Variants in UNC80 observed in about 807,000 individuals in gnomAD.
The protein encoded by UNC80 is unc-80 subunit of NALCN channel complex.
Under a neutral mutation model 384.6 loss-of-function variants are expected in UNC80, and 164 were observed. That is an observed-to-expected ratio of 0.43 (90% CI 0.38 to 0.49). The LOEUF is 0.49. Ranked by LOEUF, UNC80 falls within the 20% of genes least tolerant of loss-of-function variation. The pLI is 0.00. For synonymous variants in UNC80, 1,486 were observed against 1,527.8 expected, an observed-to-expected ratio of 0.97 and a Z score of 0.64; for missense variants, 3,330 against 4,143.0, an observed-to-expected ratio of 0.80 and a Z score of 5.39.
intron 4 of UNC80, among the ~76,000 whole-genome samples, chr2:209,779,902 G>A (rs2077062724): frequency 6.6e-6 from 1 of 152,156 alleles, no homozygotes; most frequent in South Asian, 2.1e-4. Flanking sequence ...TCTAAGTTTT[G>A]GAAACAGATA....
At chr2:209,832,716 G>C (rs1461202049) in intron 16 of UNC80, among the ~76,000 whole-genome samples, 2 of 152,176 alleles carry the variant, frequency 1.3e-5, no homozygotes, top group South Asian at 4.1e-4. Context: ...TAATTTAACA[G>C]GTTGGTTATA....
intron 47 of UNC80, among the ~76,000 whole-genome samples, chr2:209,948,182 C>T: frequency 6.6e-6 from 1 of 152,062 alleles, no homozygotes; most frequent in East Asian, 1.9e-4. Flanking sequence ...AATATTTATG[C>T]ATTTCTATGG....
intron 61 of UNC80, among the ~76,000 whole-genome samples, chr2:209,986,780 C>A (rs1184347028): frequency 7.9e-5 from 12 of 152,328 alleles, no homozygotes; most frequent in Non-Finnish European, 1.8e-4. Flanking sequence ...GCACATCCAC[C>A]TTTGCCATAC....
chr2:209,834,033 A>G lies in UNC80; in HGVS notation c.2807A>G (p.Gln936Arg). ...TATTGTGACATTCGTCAGCTGGTCCAGTTTATCAAAGAGGCTCATGGGAAT... is the reference window on the plus strand; with the variant it reads ...TATTGTGACATTCGTCAGCTGGTCCGGTTTATCAAAGAGGCTCATGGGAAT... ...GLYCDIRQLV[Q>R]FIKEAHGNVF... Residue 936 changes from glutamine (Q) to arginine (R), a missense_variant, in exon 17 of 65, where the codon CAG (glutamine) becomes CGG (arginine). Physicochemically the swap from Gln to Arg is conservative, Grantham distance 43 (BLOSUM62 1). This residue lies in a region of UNC80 where 937 missense variants were observed against 1,026.8 expected (regional missense o/e 0.91). Transcript: ENST00000673920. The G allele has an allele frequency of 1.3e-6, 2 of 1,551,692 alleles. No individual in the cohort carries two copies. The highest frequency in any genetic ancestry group is 1.7e-6 in the Non-Finnish European group (2 of 1,146,980).
chr2:209,816,845 T>C, intron 9 of UNC80, 64 bp from the exon 10 acceptor site: 1 of 1,477,110 alleles, frequency 6.8e-7, no homozygotes, highest in Non-Finnish European at 9.2e-7. Flanking sequence ...ATGGAGCCCC[T>C]TGGGAAGCAG....
intron 11 of UNC80, 112 bp downstream of exon 11, chr2:209,818,064 T>C: frequency 7.5e-7 from 1 of 1,339,748 alleles, no homozygotes. Context: ...TTCTGAAAAC[T>C]GGCATTCTTG....
At chr2:209,937,860 A>T (rs1426754054) in intron 42 of UNC80, among the ~76,000 whole-genome samples, 2 of 152,216 alleles carry the variant, frequency 1.3e-5, no homozygotes, top group Non-Finnish European at 2.9e-5. Flanking sequence ...ATGATGAATT[A>T]TTGAGTATAA....
intron 5 of UNC80, among the ~76,000 whole-genome samples, chr2:209,786,537 GATT>G (rs148673755): frequency 3.3e-5 from 5 of 152,014 alleles, no homozygotes; most frequent in African/African-American, 4.8e-5. Context: ...TGGCAGCTGC[GATT>G]ATTATTATTA....
chr2:209,945,822 T>C, intron 46 of UNC80, 25 bp from the exon 47 acceptor site: 1 of 1,501,652 alleles, frequency 6.7e-7, no homozygotes, highest in Non-Finnish European at 9.1e-7. Context: ...CTCTGATAGT[T>C]TGCCTTTACT....
intron 36 of UNC80, among the ~76,000 whole-genome samples, chr2:209,927,999 C>A (rs988642511): frequency 1.3e-5 from 2 of 151,494 alleles, no homozygotes; most frequent in African/African-American, 2.4e-5. Context: ...AGTAAAAAAC[C>A]GAATACCAGA....
intron 22 of UNC80, among the ~76,000 whole-genome samples, chr2:209,863,346 G>A (rs1297214440): frequency 6.6e-6 from 1 of 152,102 alleles, no homozygotes. Flanking sequence ...TCTTAATGGT[G>A]TTCTCTGTAT....
chr2:209,838,889 A>C (rs1301208776), intron 18 of UNC80, among the ~76,000 whole-genome samples: 1 of 152,166 alleles, frequency 6.6e-6, no homozygotes, highest in African/African-American at 2.4e-5. Context: ...TGAACCTGGG[A>C]GGCGGAGGTT....
At chr2:209,845,812 C>T (rs1574710306) in intron 21 of UNC80, among the ~76,000 whole-genome samples, 1 of 152,268 alleles carries the variant, frequency 6.6e-6, no homozygotes, top group African/African-American at 2.4e-5. Context: ...CCAGCTTAAA[C>T]AACATTATCT....
At chr2:209,845,781 G>T (rs2082123976) in intron 21 of UNC80, among the ~76,000 whole-genome samples, 1 of 152,088 alleles carries the variant, frequency 6.6e-6, no homozygotes, top group Admixed American at 6.6e-5. Flanking sequence ...CTTTGGAATT[G>T]CTTGCAGAAA....
intron 53 of UNC80, among the ~76,000 whole-genome samples, chr2:209,970,524 C>T (rs923751342): frequency 2.0e-5 from 3 of 152,082 alleles, no homozygotes; most frequent in Admixed American, 1.3e-4. Context: ...GAATGTTGAC[C>T]GCATTCCTTT....
At chr2:209,982,965 C>CAT (rs112053309) in intron 60 of UNC80, 9 of 151,264 alleles carry the variant, frequency 5.9e-5, no homozygotes, top group African/African-American at 2.2e-4. Flanking sequence ...TACACACACA[C>CAT]ACACACAATG....
Position 209,839,997 on chromosome 2 carries a change from T to C in UNC80, c.3251-545T>C, listed in dbSNP as rs2081620136. Among the ~76,000 whole-genome samples, 1 of 152,110 alleles carries C rather than the reference T, an allele frequency of 6.6e-6. No homozygotes were observed. The highest frequency in any genetic ancestry group is 2.1e-4 in the South Asian group (1 of 4,824). On this transcript the variant is annotated intron_variant, in intron 19 of 64. Coordinates refer to ENST00000673920, the MANE Select transcript of UNC80 (RefSeq NM_001371986.1). The surrounding 1 kb of genome is among the most constrained non-coding windows in gnomAD (Gnocchi z 4.1). ...AAGGGGACAAGTGGCGGTATGACTA[T>C]AGTAGAATGATAGGGGCCAGATCAG...
rs1266074145 is a variant in UNC80, at chr2:209,797,795, A to G, written c.938+3936A>G. On this transcript the variant is annotated intron_variant, in intron 7 of 64. Coordinates refer to ENST00000673920, the MANE Select transcript of UNC80 (RefSeq NM_001371986.1). ...CCACCAACAGTGTAAAAGCATTCCT[A>G]TTTCTCCACAGCCTCACCAGCATCT... Among the ~76,000 whole-genome samples the G allele has an allele frequency of 3.9e-5, 6 of 152,252 alleles. No individual in the cohort carries two copies. In the East Asian group the frequency reaches 9.7e-4, roughly 25 times the overall value.
At chr2:209,900,177 G>C (rs1005574770) in intron 28 of UNC80, among the ~76,000 whole-genome samples, 2 of 152,094 alleles carry the variant, frequency 1.3e-5, no homozygotes, top group African/African-American at 4.8e-5. Context: ...GTGTATACAG[G>C]CATACCTCAT....
Sources: gnomAD v4.1 joint callset for allele counts (sites outside exome capture counted in the v4.1 genomes callset) on GRCh38, gnomAD v4.1.1 for gene constraint, gnomAD v4.1.1 regional missense constraint, Gnocchi (gnomAD v3.1) non-coding constraint, MANE v1.5 for transcripts, NCBI Gene and HGNC (gene_info 2026-07-23, HGNC 2026-07-21) for gene names.